LNPK: variants seen among roughly 807,000 people sequenced by gnomAD.
LNPK encodes lunapark, ER junction formation factor, also known as endoplasmic reticulum junction formation protein lunapark.
In LNPK, 29 loss-of-function variants were observed where a neutral mutation model predicts 55.2. The ratio of observed to expected loss-of-function variants is 0.53; its 90% confidence interval spans 0.39 to 0.72. The LOEUF (loss-of-function observed/expected upper bound fraction) is 0.72, where lower values mean the gene tolerates loss of function less well. LNPK is among the 30% of genes least tolerant of loss of function. LNPK has a pLI of 0.00. For synonymous variants in LNPK, 162 were observed against 168.2 expected, an observed-to-expected ratio of 0.96 and a Z score of 0.29; for missense variants, 467 against 494.8, an observed-to-expected ratio of 0.94 and a Z score of 0.53.
intron 12 of LNPK, among the ~76,000 whole-genome samples, chr2:175,933,180 A>G (rs1406913517): frequency 2.0e-5 from 3 of 152,204 alleles, no homozygotes; most frequent in South Asian, 2.1e-4. Context: ...TGTTTTACCA[A>G]ATAGTAACAA....
chr2:175,927,048 T>C lies in LNPK; in HGVS notation c.*2919A>G, dbSNP rs763386557. 1.9e-4 allele frequency: 29 copies of C among 152,228 alleles called. No homozygotes were observed. The highest frequency in any genetic ancestry group is 3.6e-4 in the African/African-American group (15 of 41,518). The allele number at this position is 152,228 out of a possible 1,614,324, so 9.4% of individuals were successfully genotyped here. A position where few individuals can be genotyped will look rare whatever the true frequency, so the allele number is the denominator to read the frequency against. On this transcript the variant is annotated 3_prime_UTR_variant, in exon 13 of 13. Transcript: ENST00000272748. ...GGGAAGAAACCCTAGGGAAAGAATA[T>C]GCAGAATGAAGAAATGATGACACTA...
At chr2:175,977,569 T>A (rs1450150855) in intron 5 of LNPK, among the ~76,000 whole-genome samples, 1 of 152,054 alleles carries the variant, frequency 6.6e-6, no homozygotes, top group Non-Finnish European at 1.5e-5. Context: ...AAAGAGTGAA[T>A]AACTGAATTA....
In LNPK at chr2:175,929,845, T is replaced by C. The variant is rs1684176842; in HGVS notation, c.*122A>G. 6.8e-7 allele frequency: 1 copy of C among 1,475,640 alleles called. No homozygotes were observed. Among genetic ancestry groups the C allele is most frequent in the African/African-American group, 1.4e-5 (1 of 70,418 alleles). 91.4% of individuals were successfully genotyped at this position (1,475,640 alleles called of 1,614,324 possible). The stretch of plus-strand genomic sequence containing the variant: ...GAGATGTTCAAATAGCTAGGCAATC[T>C]GAATTCAAATGATACACAAGCATAC... On this transcript the variant is annotated 3_prime_UTR_variant, in exon 13 of 13. Transcript: ENST00000272748.
At chr2:175,958,235 C>A (rs1378835837) in intron 8 of LNPK, among the ~76,000 whole-genome samples, 2 of 152,226 alleles carry the variant, frequency 1.3e-5, no homozygotes, top group Non-Finnish European at 2.9e-5. Flanking sequence ...AGTTTGAGCT[C>A]TGAGAACAGA....
chr2:175,982,283 G>A (rs1460282193), intron 4 of LNPK, among the ~76,000 whole-genome samples: 1 of 152,044 alleles, frequency 6.6e-6, no homozygotes, highest in East Asian at 1.9e-4. Context: ...GAATTCTGTA[G>A]GAAATGTATA....
chr2:175,973,406 T>C (rs1263984709), intron 5 of LNPK, among the ~76,000 whole-genome samples: 1 of 152,186 alleles, frequency 6.6e-6, no homozygotes, highest in Non-Finnish European at 1.5e-5. Context: ...GAAGTTCCCT[T>C]TGGCCCTACA....
intron 6 of LNPK, among the ~76,000 whole-genome samples, chr2:175,967,979 T>A (rs1375788695): frequency 1.3e-5 from 2 of 152,228 alleles, no homozygotes; most frequent in African/African-American, 4.8e-5. Context: ...ACGCACAGGA[T>A]TTGTACAAAA....
intron 12 of LNPK, among the ~76,000 whole-genome samples, chr2:175,930,536 G>A (rs993934618): frequency 1.4e-4 from 21 of 152,038 alleles, no homozygotes; most frequent in African/African-American, 5.1e-4. Flanking sequence ...ACAGAATTAT[G>A]TGCTATAATA....
chr2:175,996,106 C>A (rs1403075562), intron 1 of LNPK, among the ~76,000 whole-genome samples: 5 of 152,180 alleles, frequency 3.3e-5, no homozygotes, highest in Non-Finnish European at 7.4e-5. Context: ...AGCCATCGCA[C>A]ACCACCAAGC....
Position 175,929,778 on chromosome 2 carries a change from T to C in LNPK, c.*189A>G, listed in dbSNP as rs1684173447. On this transcript the variant is annotated 3_prime_UTR_variant, in exon 13 of 13. Coordinates refer to ENST00000272748, the MANE Select transcript of LNPK (RefSeq NM_030650.3). ...ATTCAAAAGGATCTTACTTCACTGATATAACTTGCTTTTAATTTTAATACC... is the reference window on the plus strand; with the variant it reads ...ATTCAAAAGGATCTTACTTCACTGACATAACTTGCTTTTAATTTTAATACC... 1.4e-6 allele frequency: 2 copies of C among 1,422,728 alleles called. No individual in the cohort carries two copies. Among genetic ancestry groups the C allele is most frequent in the Non-Finnish European group, 1.8e-6 (2 of 1,093,154 alleles). 88.1% of individuals were successfully genotyped at this position (1,422,728 alleles called of 1,614,324 possible).
At chr2:175,959,212 G>A (rs984494043) in intron 8 of LNPK, among the ~76,000 whole-genome samples, 1 of 152,124 alleles carries the variant, frequency 6.6e-6, no homozygotes, top group African/African-American at 2.4e-5. Flanking sequence ...AGGAAATACA[G>A]AGAATACCAC....
At position 175,979,911 on chromosome 2, in the gene LNPK, A is replaced by G. The variant is rs751229306; in HGVS notation, c.258-43T>C. 2.7e-6 allele frequency: 4 copies of G among 1,509,362 alleles called. No homozygotes were observed. The East Asian group carries it at 9.2e-5, about 35-fold the overall frequency. 93.5% of individuals were successfully genotyped at this position (1,509,362 alleles called of 1,614,324 possible). On this transcript the variant is annotated intron_variant, in intron 4 of 12. Coordinates refer to ENST00000272748, the MANE Select transcript of LNPK (RefSeq NM_030650.3). ...TTCAGAAACAAAAAACATCATTAGA[A>G]AAAGCGAATTAGAAGCCATGTAAAA...
intron 6 of LNPK, among the ~76,000 whole-genome samples, chr2:175,968,021 G>C (rs1316888756): frequency 6.6e-6 from 1 of 152,018 alleles, no homozygotes; most frequent in African/African-American, 2.4e-5. Flanking sequence ...AATTATAGTA[G>C]GTATATAAAC....
intron 4 of LNPK, 105 bp downstream of exon 4, chr2:175,992,126 G>T (rs1687730606): frequency 2.9e-6 from 2 of 692,692 alleles, no homozygotes; most frequent in African/African-American, 1.9e-5. Context: ...AACTCAATCA[G>T]ATATTACCAT....
At chr2:175,936,088 A>G (rs1455701191) in intron 12 of LNPK, among the ~76,000 whole-genome samples, 1 of 152,212 alleles carries the variant, frequency 6.6e-6, no homozygotes, top group East Asian at 1.9e-4. Context: ...TGCATGTGAC[A>G]GCATGCAGCT....
At chr2:175,941,550 T>C (rs946239042) in intron 9 of LNPK, among the ~76,000 whole-genome samples, 6 of 151,558 alleles carry the variant, frequency 4.0e-5, no homozygotes, top group African/African-American at 7.3e-5. Context: ...CCCAGCACTT[T>C]AGGAGGCCGA....
intron 5 of LNPK, among the ~76,000 whole-genome samples, chr2:175,976,834 T>C (rs1478579118): frequency 6.6e-6 from 1 of 152,240 alleles, no homozygotes; most frequent in Non-Finnish European, 1.5e-5. Flanking sequence ...TTAGCCCTCC[T>C]GGGTCTCCAG....
At chr2:175,971,149 T>C (rs1003296261) in intron 5 of LNPK, among the ~76,000 whole-genome samples, 3 of 152,156 alleles carry the variant, frequency 2.0e-5, no homozygotes, top group Non-Finnish European at 4.4e-5. Context: ...TTTACAAAAT[T>C]AGTATCAAAT....
intron 9 of LNPK, among the ~76,000 whole-genome samples, chr2:175,946,779 A>C (rs886649200): frequency 1.3e-5 from 2 of 152,190 alleles, no homozygotes; most frequent in Non-Finnish European, 2.9e-5. Flanking sequence ...CAACAATATG[A>C]CATGGAAATC....
Sources: allele counts gnomAD v4.1 joint callset (sites outside exome capture counted in the v4.1 genomes callset), GRCh38; gene constraint gnomAD v4.1.1; transcripts MANE v1.5; gene names NCBI Gene and HGNC (gene_info 2026-07-23, HGNC 2026-07-21).